RGS6: variants seen among roughly 807,000 people sequenced by gnomAD.
RGS6 encodes regulator of G protein signaling 6.
In RGS6, 30 loss-of-function variants were observed where a neutral mutation model predicts 78.5. That is an observed-to-expected ratio of 0.38 (90% confidence interval 0.29 to 0.52). The LOEUF (loss-of-function observed/expected upper bound fraction) is 0.52. RGS6 is among the 20% of genes least tolerant of loss of function. The pLI is 0.85. For missense variants in RGS6, 495 were observed against 609.7 expected (o/e 0.81, Z 1.98); for synonymous variants, 206 against 206.0 (o/e 1.00, Z 0.00).
At chr14:72,345,336 T>C (rs1378136429) in intron 2 of RGS6, among the ~76,000 whole-genome samples, 10 of 152,184 alleles carry the variant, frequency 6.6e-5, no homozygotes, top group Admixed American at 5.2e-4. Context: ...TCTTTGGAGA[T>C]TGGATTTTTT....
At chr14:71,992,140 C>G (rs1330956127) in intron 2 of RGS6, among the ~76,000 whole-genome samples, 3 of 151,716 alleles carry the variant, frequency 2.0e-5, no homozygotes, top group Non-Finnish European at 4.4e-5. Context: ...AAGTGATTCT[C>G]CTGCCTTAGC....
At chr14:71,934,169 C>G (rs939100569) in intron 1 of RGS6, among the ~76,000 whole-genome samples, 1 of 152,100 alleles carries the variant, frequency 6.6e-6, no homozygotes, top group African/African-American at 2.4e-5. Flanking sequence ...TTTGGTGAGA[C>G]TCTTGAGAGA....
chr14:72,289,691 T>A (rs1456799059), intron 2 of RGS6, among the ~76,000 whole-genome samples: 1 of 152,312 alleles, frequency 6.6e-6, no homozygotes, highest in East Asian at 1.9e-4. Flanking sequence ...TCAGCCCAGG[T>A]CTTCTGACTC....
At chr14:72,132,244 A>G (rs17107879) in intron 2 of RGS6, among the ~76,000 whole-genome samples, 9,191 of 151,662 alleles carry the variant, frequency 0.061, 324 homozygotes, top group African/African-American at 0.09. Flanking sequence ...AAGGAAGTAG[A>G]CAATCCTCAT....
At chr14:72,105,709 G>A (rs2095619222) in intron 2 of RGS6, among the ~76,000 whole-genome samples, 1 of 152,120 alleles carries the variant, frequency 6.6e-6, no homozygotes, top group South Asian at 2.1e-4. Flanking sequence ...TTTTATCTGA[G>A]AATAAATGTT....
intron 15 of RGS6, 121 bp from the exon 16 acceptor site, chr14:72,536,065 C>T (rs2097247744): frequency 1.8e-5 from 13 of 737,078 alleles, no homozygotes; most frequent in Non-Finnish European, 1.7e-5. Flanking sequence ...TTTCTAGGTA[C>T]ATGCAAACAT....
rs548245602 is a variant in RGS6, at chr14:72,094,587, G to A, written c.84+129712G>A. ...CCTCTAAATATTTCACTTAGATGAT[G>A]ATTTTTTTTAATCACCACCAACACA... On this transcript the variant is annotated intron_variant, in intron 2 of 17. Transcript: ENST00000553525. Among the ~76,000 whole-genome samples the A allele has an allele frequency of 2.6e-5, 4 of 152,096 alleles. No individual in the cohort carries two copies. In the South Asian group the frequency reaches 8.3e-4, roughly 32 times the overall value.
intron 2 of RGS6, among the ~76,000 whole-genome samples, chr14:72,184,877 T>C (rs955303822): frequency 2.6e-5 from 4 of 152,192 alleles, no homozygotes; most frequent in Non-Finnish European, 4.4e-5. Context: ...GATAGATAGA[T>C]GTACATATGA....
chr14:72,096,376 A>T (rs1478631428), intron 2 of RGS6, among the ~76,000 whole-genome samples: 1 of 152,230 alleles, frequency 6.6e-6, no homozygotes, highest in Non-Finnish European at 1.5e-5. Flanking sequence ...TTATGCCTTG[A>T]TTATCTTTAG....
intron 2 of RGS6, among the ~76,000 whole-genome samples, chr14:72,112,324 T>G: frequency 6.6e-6 from 1 of 152,176 alleles, no homozygotes; most frequent in East Asian, 1.9e-4. Context: ...TCTGTTTTGA[T>G]GCGTGCTCCC....
intron 1 of RGS6, among the ~76,000 whole-genome samples, chr14:71,939,734 C>A (rs1218331284): frequency 2.0e-5 from 3 of 152,246 alleles, no homozygotes; most frequent in Non-Finnish European, 4.4e-5. Context: ...CACTATCATT[C>A]TCCAAGATGC....
intron 13 of RGS6, among the ~76,000 whole-genome samples, chr14:72,498,410 T>C (rs1367996614): frequency 6.6e-6 from 1 of 152,198 alleles, no homozygotes; most frequent in African/African-American, 2.4e-5. Context: ...GGAAGACTGC[T>C]CATTTTTATA....
intron 2 of RGS6, among the ~76,000 whole-genome samples, chr14:72,262,323 G>C (rs2058309679): frequency 6.6e-6 from 1 of 152,198 alleles, no homozygotes; most frequent in Admixed American, 6.5e-5. Flanking sequence ...CTGGAGGCTG[G>C]AAAGTCCAAG....
At chr14:72,217,981 C>A (rs1170302523) in intron 2 of RGS6, among the ~76,000 whole-genome samples, 1 of 152,060 alleles carries the variant, frequency 6.6e-6, no homozygotes, top group Non-Finnish European at 1.5e-5. Flanking sequence ...CCATTTAGGG[C>A]TAAATACTGG....
At chr14:71,906,789 C>CTGAAA in the RGS6 span, among the ~76,000 whole-genome samples, 81,605 of 151,840 alleles carry the variant, frequency 0.54, 24,469 homozygotes, top group Non-Finnish European at 0.67. Context: ...GAGGTCAGAT[C>CTGAAA]AGTTTATGCT....
At chr14:72,510,902 T>C (rs2096870553) in intron 14 of RGS6, among the ~76,000 whole-genome samples, 1 of 152,194 alleles carries the variant, frequency 6.6e-6, no homozygotes, top group African/African-American at 2.4e-5. Context: ...CTATAACTAA[T>C]ACTTGATGAG....
At chr14:72,431,303 G>A (rs1257309530) in intron 3 of RGS6, among the ~76,000 whole-genome samples, 1 of 152,164 alleles carries the variant, frequency 6.6e-6, no homozygotes, top group Non-Finnish European at 1.5e-5. Flanking sequence ...TATACTTGAT[G>A]AGATAGGGCC....
chr14:72,460,590 C>G (rs951164930), intron 6 of RGS6, among the ~76,000 whole-genome samples: 8 of 151,448 alleles, frequency 5.3e-5, no homozygotes, highest in Admixed American at 3.9e-4. Flanking sequence ...ACCCATACTT[C>G]TTTCACGGTC....
intron 2 of RGS6, among the ~76,000 whole-genome samples, chr14:72,282,216 T>G (rs11158953): frequency 0.59 from 90,100 of 151,940 alleles, 27,001 homozygotes; most frequent in Non-Finnish European, 0.64. Context: ...TGATGGCTGT[T>G]TGGTCCTGCG....
Sources: gnomAD v4.1 joint callset for allele counts (sites outside exome capture counted in the v4.1 genomes callset) on GRCh38, gnomAD v4.1.1 for gene constraint, MANE v1.5 for transcripts, NCBI Gene and HGNC (gene_info 2026-07-23, HGNC 2026-07-21) for gene names.